Variants in HYDIN observed in about 807,000 individuals in gnomAD.
HYDIN encodes axonemal central pair apparatus protein HYDIN.
Under a neutral mutation model 403.9 loss-of-function variants are expected in HYDIN, and 132 were observed. The observed-to-expected ratio is 0.33, with a 90% CI of 0.28 to 0.38. HYDIN has a LOEUF of 0.38. Among genes scored for constraint, HYDIN ranks in the 10% least tolerant of loss-of-function variants. HYDIN has a pLI of 1.00. For missense variants in HYDIN, 2,827 were observed against 5,009.5 expected, an observed-to-expected ratio of 0.56 and a Z score of 13.15; for synonymous variants, 1,202 against 1,891.7, an observed-to-expected ratio of 0.64 and a Z score of 9.46.
At position 71,088,517 on chromosome 16, in the gene HYDIN, A is replaced by G; in HGVS notation, c.1454T>C (p.Leu485Pro). The change falls in exon 12 of 86, where the codon CTG becomes CCG. Residue 485 changes from leucine to proline, a missense_variant. Physicochemically the swap from Leu to Pro is moderately conservative, Grantham distance 98 (BLOSUM62 -3). Transcript: ENST00000393567. ...TGSAHCYEAI[L>P]YNKGSIDALF... is the part of the protein sequence containing the mutation. Reference sequence around the variant, plus strand: ...AGCATCGATGCTGCCTTTGTTGTACAGTATCGCCTATATCAATAAAAGGCA... The same window carrying G: ...AGCATCGATGCTGCCTTTGTTGTACGGTATCGCCTATATCAATAAAAGGCA... 7.7e-6 allele frequency: 5 copies of G among 652,172 alleles called. No individual in the cohort carries two copies. Among genetic ancestry groups the G allele is most frequent in the South Asian group, 7.6e-5 (4 of 52,316 alleles). 40.4% of individuals were successfully genotyped at this position (652,172 alleles called of 1,614,324 possible).
In HYDIN at chr16:70,970,557, G is replaced by C. The variant is rs1406654893; in HGVS notation, c.5582C>G (p.Ser1861Cys). Reference protein sequence around the residue: ...NPCNFPIEFYSLEFDQQYLIE... With the variant: ...NPCNFPIEFYCLEFDQQYLIE... ...GAGATACTGCTGATCAAATTCTAAG[G>C]AATAAAACTCAATGGGGAAGTTGCA... The change falls in exon 36 of 86, where the codon TCC (serine) becomes TGC (cysteine). Residue 1861 changes from serine (S) to cysteine (C), a missense_variant. Transcript: ENST00000393567. 3 of 1,364,880 alleles carry C rather than the reference G, an allele frequency of 2.2e-6. No individual in the cohort carries two copies. The highest frequency in any genetic ancestry group is 1.0e-6 in the Non-Finnish European group (1 of 974,220). The allele number at this position is 1,364,880 out of a possible 1,614,324, so 84.5% of individuals were successfully genotyped here. A position where few individuals can be genotyped will look rare whatever the true frequency, so the allele number is the denominator to read the frequency against.
rs919049769 is a variant in HYDIN, at chr16:71,031,470, C to T, written c.2768+209G>A. 1.0e-4 allele frequency: 143 copies of T among 1,363,906 alleles called. No homozygotes were observed. The African/African-American group carries it at 1.7e-3, about 16-fold the overall frequency. 84.5% of individuals were successfully genotyped at this position (1,363,906 alleles called of 1,614,324 possible). ...TATTCTTCTCGGATGTAGAGGGACA[C>T]GGATTAGAGAATGCAACCAAGTTAT... is the stretch of plus-strand genomic sequence containing the variant. On this transcript the variant is annotated intron_variant, in intron 19 of 85. Transcript: ENST00000393567.
chr16:70,840,257 G>C, intron 75 of HYDIN, 24 bp from the exon 76 acceptor site: 2 of 974,400 alleles, frequency 2.1e-6, no homozygotes, highest in Non-Finnish European at 3.0e-6. Flanking sequence ...ATGGCAGGGG[G>C]ACCATGATTA....
chr16:71,100,212 T>C (rs111994307), intron 10 of HYDIN, among the ~76,000 whole-genome samples: 50 of 149,966 alleles, frequency 3.3e-4, no homozygotes, highest in East Asian at 2.5e-3. Flanking sequence ...TAAAACTTTA[T>C]GGGAAGACAT....
chr16:70,946,876 T>C (rs1173194888), intron 41 of HYDIN, among the ~76,000 whole-genome samples: 2 of 152,238 alleles, frequency 1.3e-5, no homozygotes, highest in African/African-American at 4.8e-5. Flanking sequence ...TTGTGATTTT[T>C]GTACATTGAT....
chr16:70,809,692 T>C, intron 85 of HYDIN, 91 bp downstream of exon 85: 1 of 1,040,522 alleles, frequency 9.6e-7, no homozygotes. Context: ...TCTCTGAGTC[T>C]CACATTCATG....
intron 8 of HYDIN, among the ~76,000 whole-genome samples, chr16:71,135,951 C>CCTA (rs1326274202): frequency 1.3e-5 from 2 of 151,472 alleles, no homozygotes; most frequent in Admixed American, 1.3e-4. Context: ...TTTCCACGGA[C>CCTA]CTAAGACTTT....
At chr16:70,842,393 T>A (rs1353396213) in intron 75 of HYDIN, among the ~76,000 whole-genome samples, 1 of 151,606 alleles carries the variant, frequency 6.6e-6, no homozygotes, top group African/African-American at 2.4e-5. Context: ...TTATAATTGC[T>A]ATGTCTTCTT....
At chr16:70,931,076 G>A (rs1175767975) in intron 45 of HYDIN, among the ~76,000 whole-genome samples, 1 of 152,076 alleles carries the variant, frequency 6.6e-6, no homozygotes. Flanking sequence ...GAACCAAGTG[G>A]AAATTTTAGA....
chr16:71,199,490 T>C (rs2087878409), intron 1 of HYDIN, among the ~76,000 whole-genome samples: 1 of 152,188 alleles, frequency 6.6e-6, no homozygotes, highest in Non-Finnish European at 1.5e-5. Flanking sequence ...GAAATTTTCA[T>C]GTGCTCTCAG....
At chr16:70,866,628 T>C (rs941706890) in intron 66 of HYDIN, among the ~76,000 whole-genome samples, 6 of 152,056 alleles carry the variant, frequency 3.9e-5, no homozygotes, top group African/African-American at 1.4e-4. Context: ...AATATATAAG[T>C]GAACATCTTT....
At chr16:70,906,415 C>A (rs2076538803) in intron 50 of HYDIN, among the ~76,000 whole-genome samples, 1 of 151,722 alleles carries the variant, frequency 6.6e-6, no homozygotes, top group Non-Finnish European at 1.5e-5. Flanking sequence ...AAATTGTAAA[C>A]CTACCTTCTG....
intron 76 of HYDIN, among the ~76,000 whole-genome samples, chr16:70,839,552 T>C (rs1487963760): frequency 1.3e-5 from 2 of 149,300 alleles, no homozygotes; most frequent in Non-Finnish European, 3.0e-5. Context: ...AAAGTACTGA[T>C]AGATAGCTTT....
intron 47 of HYDIN, among the ~76,000 whole-genome samples, chr16:70,916,760 T>C (rs2076851849): frequency 6.6e-6 from 1 of 152,224 alleles, no homozygotes; most frequent in African/African-American, 2.4e-5. Flanking sequence ...CAGATTTGTG[T>C]TCTTACAAAA....
At chr16:71,220,493 G>C (rs2089141780) in intron 1 of HYDIN, among the ~76,000 whole-genome samples, 1 of 152,032 alleles carries the variant, frequency 6.6e-6, no homozygotes, top group African/African-American at 2.4e-5. Context: ...ATATAATATA[G>C]AATAAAATAC....
chr16:71,051,645 C>CAA (rs56676777), intron 18 of HYDIN, among the ~76,000 whole-genome samples: 88 of 120,122 alleles, frequency 7.3e-4, no homozygotes, highest in African/African-American at 2.1e-3. Context: ...GACTCTGTCT[C>CAA]AAAAAAAAAA....
intron 65 of HYDIN, 50 bp from the exon 66 acceptor site, chr16:70,868,838 T>C: frequency 1.3e-6 from 2 of 1,534,702 alleles, no homozygotes; most frequent in Non-Finnish European, 1.8e-6. Context: ...TCTTGAGGAC[T>C]CTTGATACCT....
intron 37 of HYDIN, among the ~76,000 whole-genome samples, chr16:70,962,977 T>C (rs2143956830): frequency 6.6e-6 from 1 of 151,918 alleles, no homozygotes; most frequent in South Asian, 2.1e-4. Context: ...GATCCTGGCT[T>C]AGATCACCTT....
chr16:70,957,007 TTATAAG>T (rs2078261306), intron 39 of HYDIN, among the ~76,000 whole-genome samples: 1 of 141,544 alleles, frequency 7.1e-6, no homozygotes, highest in Non-Finnish European at 1.5e-5. Context: ...CTTAAATCAT[TTATAAG>T]TATATGATTT....
Sources: gnomAD v4.1 joint callset for allele counts (sites outside exome capture counted in the v4.1 genomes callset) on GRCh38, gnomAD v4.1.1 for gene constraint, MANE v1.5 for transcripts, NCBI Gene and HGNC (gene_info 2026-07-23, HGNC 2026-07-21) for gene names.